DPYD: variants seen among roughly 807,000 people sequenced by gnomAD.
DPYD encodes dihydropyrimidine dehydrogenase [NADP(+)].
A neutral mutation model predicts 116.2 loss-of-function variants in DPYD; 109 were observed. The ratio of observed to expected loss-of-function variants is 0.94; its 90% CI spans 0.80 to 1.10. The LOEUF (loss-of-function observed/expected upper bound fraction) is 1.10. DPYD is among the 50% of genes least tolerant of loss of function. DPYD has a pLI of 0.00. For missense variants in DPYD, 1,302 were observed against 1,254.5 expected (o/e 1.04, Z -0.57); for synonymous variants, 440 against 432.0 (o/e 1.02, Z -0.23).
At chr1:97,714,289 T>C (rs1299565799) in intron 5 of DPYD, among the ~76,000 whole-genome samples, 1 of 152,100 alleles carries the variant, frequency 6.6e-6, no homozygotes, top group Middle Eastern at 3.4e-3. Flanking sequence ...TCTCGGCTCA[T>C]TGCAACCTCT....
intron 8 of DPYD, among the ~76,000 whole-genome samples, chr1:97,609,298 T>C (rs1655790548): frequency 6.6e-6 from 1 of 151,948 alleles, no homozygotes; most frequent in Non-Finnish European, 1.5e-5. Flanking sequence ...TTCAATCAGT[T>C]TACATTCCAG....
chr1:97,670,240 A>G (rs1378984329), intron 8 of DPYD, among the ~76,000 whole-genome samples: 1 of 152,158 alleles, frequency 6.6e-6, no homozygotes, highest in African/African-American at 2.4e-5. Flanking sequence ...ATGCAGACCT[A>G]TAGTATGATT....
intron 20 of DPYD, among the ~76,000 whole-genome samples, chr1:97,137,159 C>A (rs1653871878): frequency 6.6e-6 from 1 of 152,172 alleles, no homozygotes; most frequent in South Asian, 2.1e-4. Flanking sequence ...GAACAGCAGG[C>A]CTTCCGGGAA....
At chr1:97,881,368 A>G (rs902916776) in intron 2 of DPYD, among the ~76,000 whole-genome samples, 5 of 152,132 alleles carry the variant, frequency 3.3e-5, no homozygotes, top group East Asian at 1.9e-4. Context: ...CCTAACCTCC[A>G]GAACTGTGAG....
chr1:97,392,902 C>T (rs1355672537), intron 14 of DPYD, among the ~76,000 whole-genome samples: 2 of 151,970 alleles, frequency 1.3e-5, no homozygotes, highest in East Asian at 3.9e-4. Flanking sequence ...TTCCAAACTC[C>T]TGTTAATGCA....
At chr1:97,197,574 G>C (rs1166233131) in intron 19 of DPYD, among the ~76,000 whole-genome samples, 1 of 152,184 alleles carries the variant, frequency 6.6e-6, no homozygotes, top group Non-Finnish European at 1.5e-5. Context: ...CCAGGAAGAA[G>C]ATACAAAAGC....
At chr1:97,526,382 G>T (rs1443816543) in intron 12 of DPYD, among the ~76,000 whole-genome samples, 1 of 151,982 alleles carries the variant, frequency 6.6e-6, no homozygotes, top group African/African-American at 2.4e-5. Context: ...TGTAGGTCTA[G>T]ACCAGTAATT....
At chr1:97,918,533 G>A (rs560443973) in intron 1 of DPYD, among the ~76,000 whole-genome samples, 1 of 152,182 alleles carries the variant, frequency 6.6e-6, no homozygotes, top group South Asian at 2.1e-4. Context: ...CAGCTATGGA[G>A]TTTGGTGATC....
At chr1:97,533,708 A>C (rs972318961) in intron 12 of DPYD, among the ~76,000 whole-genome samples, 1 of 152,228 alleles carries the variant, frequency 6.6e-6, no homozygotes. Flanking sequence ...GTAAGTCAAC[A>C]ACATATCAGC....
intron 8 of DPYD, among the ~76,000 whole-genome samples, chr1:97,603,046 C>T (rs1655363020): frequency 6.6e-6 from 1 of 151,810 alleles, no homozygotes; most frequent in South Asian, 2.1e-4. Context: ...TATTTCCCTC[C>T]CTTCTATTTT....
At position 97,663,823 on chromosome 1, in the gene DPYD, C is replaced by T. The variant is rs369015290; in HGVS notation, c.850+15272G>A. 2.0e-5 allele frequency among the ~76,000 whole-genome samples: 3 copies of T among 152,286 alleles called. No homozygotes were observed. The South Asian group carries it at 6.2e-4, about 32-fold the overall frequency. ...ATATAGAGCTGTTACATATGACATT[C>T]CCTGTATCTGGGTGCACTCCTAATC... On this transcript the variant is annotated intron_variant, in intron 8 of 22. Transcript: ENST00000370192.
chr1:97,648,716 C>T (rs1438737717), intron 8 of DPYD, among the ~76,000 whole-genome samples: 3 of 151,896 alleles, frequency 2.0e-5, no homozygotes, highest in African/African-American at 7.2e-5. Flanking sequence ...AGCATTTTCG[C>T]TGTGTGAAAT....
At chr1:97,463,209 C>A (rs1300034069) in intron 13 of DPYD, among the ~76,000 whole-genome samples, 1 of 152,094 alleles carries the variant, frequency 6.6e-6, no homozygotes, top group East Asian at 1.9e-4. Flanking sequence ...AGGGAGGGAC[C>A]CGGTGGGAGA....
intron 8 of DPYD, among the ~76,000 whole-genome samples, chr1:97,660,825 G>A (rs540320552): frequency 4.1e-4 from 62 of 152,166 alleles, no homozygotes; most frequent in Admixed American, 1.2e-3. Flanking sequence ...TTTCAAAAGC[G>A]AACATTTCTG....
chr1:97,584,171 T>C (rs1653915273), intron 10 of DPYD, among the ~76,000 whole-genome samples: 1 of 152,354 alleles, frequency 6.6e-6, no homozygotes, highest in East Asian at 1.9e-4. Flanking sequence ...CCAGTGATGA[T>C]GAGCATTTTT....
At chr1:97,402,715 C>T (rs923202797) in intron 14 of DPYD, among the ~76,000 whole-genome samples, 2 of 152,026 alleles carry the variant, frequency 1.3e-5, no homozygotes, top group African/African-American at 4.8e-5. Context: ...CTTCTAATTT[C>T]TCACCATTAA....
intron 18 of DPYD, among the ~76,000 whole-genome samples, chr1:97,248,451 T>A (rs373928050): frequency 1.6e-4 from 25 of 152,218 alleles, no homozygotes; most frequent in African/African-American, 6.0e-4. Flanking sequence ...CCCAGCCACA[T>A]GGAACTGTGA....
intron 18 of DPYD, among the ~76,000 whole-genome samples, chr1:97,263,713 T>A (rs1484517361): frequency 6.6e-6 from 1 of 152,160 alleles, no homozygotes; most frequent in Non-Finnish European, 1.5e-5. Context: ...TTAATACATT[T>A]GTTTGCCTTC....
chr1:97,398,881 T>C (rs1435589322), intron 14 of DPYD, among the ~76,000 whole-genome samples: 1 of 152,214 alleles, frequency 6.6e-6, no homozygotes, highest in Admixed American at 6.5e-5. Context: ...AAAACTTTTC[T>C]CCCATTCTGT....
Sources: gnomAD v4.1 joint callset for allele counts (sites outside exome capture counted in the v4.1 genomes callset) on GRCh38, gnomAD v4.1.1 for gene constraint, MANE v1.5 for transcripts, NCBI Gene and HGNC (gene_info 2026-07-23, HGNC 2026-07-21) for gene names.